MAPKAP1: variants seen among roughly 807,000 people sequenced by gnomAD.
MAPKAP1 encodes target of rapamycin complex 2 subunit MAPKAP1.
In MAPKAP1, 20 loss-of-function variants were observed where a neutral mutation model predicts 65.7. The observed-to-expected ratio is 0.30, with a 90% CI of 0.21 to 0.44. The LOEUF (loss-of-function observed/expected upper bound fraction) is 0.44, where lower values mean the gene tolerates loss of function less well. Among genes scored for constraint, MAPKAP1 ranks in the 20% least tolerant of loss-of-function variants. MAPKAP1 has a pLI of 1.00. For synonymous variants in MAPKAP1, 222 were observed against 244.3 expected, an observed-to-expected ratio of 0.91 and a Z score of 0.85; for missense variants, 423 against 648.0, an observed-to-expected ratio of 0.65 and a Z score of 3.77.
chr9:125,493,760 G>A (rs1301594028), intron 8 of MAPKAP1, among the ~76,000 whole-genome samples: 1 of 152,204 alleles, frequency 6.6e-6, no homozygotes, highest in Non-Finnish European at 1.5e-5. Flanking sequence ...GCATTTTAAA[G>A]ACGTCATCTC....
Position 125,585,686 on chromosome 9 carries a change from G to A in MAPKAP1, c.540C>T (p.Tyr180=). The change falls in exon 5 of 12, where the codon TAC becomes TAT. Residue 180 remains tyrosine (Y), a synonymous_variant. Coordinates refer to ENST00000265960, the MANE Select transcript of MAPKAP1 (RefSeq NM_001006617.3). The stretch of plus-strand genomic sequence containing the variant: ...TGTCCTGGCTCGAGTGCAGAGGGAG[G>A]TAGACATCGATCTTCTTGGTTGCTG... The part of the protein sequence containing the change: ...GTTATKKIDV[Y]LPLHSSQDRL... 2 of 1,614,232 alleles carry A rather than the reference G, an allele frequency of 1.2e-6. No homozygotes were observed. The highest frequency in any genetic ancestry group is 1.7e-6 in the Non-Finnish European group (2 of 1,180,056).
intron 7 of MAPKAP1, among the ~76,000 whole-genome samples, chr9:125,535,413 C>T (rs571675): frequency 0.49 from 74,580 of 151,872 alleles, 19,000 homozygotes; most frequent in East Asian, 0.66. Flanking sequence ...CCTCTTTTTA[C>T]GTGTACTCAT....
intron 8 of MAPKAP1, among the ~76,000 whole-genome samples, chr9:125,498,800 A>G (rs1828882631): frequency 6.6e-6 from 1 of 152,174 alleles, no homozygotes; most frequent in South Asian, 2.1e-4. Context: ...CCTAGGACAC[A>G]GACTTACAGA....
At chr9:125,537,654 T>C (rs1047973612) in intron 7 of MAPKAP1, among the ~76,000 whole-genome samples, 5 of 152,214 alleles carry the variant, frequency 3.3e-5, no homozygotes, top group African/African-American at 4.8e-5. Flanking sequence ...GCTAATTTTT[T>C]AAATTTTTTG....
intron 3 of MAPKAP1, among the ~76,000 whole-genome samples, chr9:125,668,463 A>C (rs896126933): frequency 6.6e-6 from 1 of 152,234 alleles, no homozygotes; most frequent in Admixed American, 6.5e-5. Context: ...CAATGGAGCC[A>C]ATCCACAAAT....
chr9:125,641,924 C>G (rs1032984092), intron 4 of MAPKAP1, among the ~76,000 whole-genome samples: 1 of 152,068 alleles, frequency 6.6e-6, no homozygotes, highest in African/African-American at 2.4e-5. Context: ...CCAAGCTACT[C>G]GGGAGGCTGA....
At chr9:125,545,718 A>G (rs544500458) in intron 6 of MAPKAP1, among the ~76,000 whole-genome samples, 2 of 152,364 alleles carry the variant, frequency 1.3e-5, no homozygotes, top group East Asian at 3.9e-4. Context: ...TCCATAAATT[A>G]AAAGTGTCCT....
At chr9:125,453,528 A>C (rs1003582299) in intron 10 of MAPKAP1, among the ~76,000 whole-genome samples, 1 of 152,240 alleles carries the variant, frequency 6.6e-6, no homozygotes, top group African/African-American at 2.4e-5. Flanking sequence ...GGCATATTTT[A>C]ATGTTCTTCT....
chr9:125,642,915 C>A (rs1461584031), intron 4 of MAPKAP1, among the ~76,000 whole-genome samples: 2 of 149,552 alleles, frequency 1.3e-5, no homozygotes, highest in Non-Finnish European at 3.0e-5. Context: ...TTTTTTTTTT[C>A]TTGTGATGGA....
chr9:125,572,070 A>C (rs1159941490), intron 5 of MAPKAP1, among the ~76,000 whole-genome samples: 1 of 152,220 alleles, frequency 6.6e-6, no homozygotes, highest in Non-Finnish European at 1.5e-5. Context: ...ATGGCAATAT[A>C]GTTATTTGCA....
At chr9:125,550,803 G>C (rs1028516209) in intron 6 of MAPKAP1, among the ~76,000 whole-genome samples, 1 of 152,196 alleles carries the variant, frequency 6.6e-6, no homozygotes, top group African/African-American at 2.4e-5. Flanking sequence ...GAAAATGTTT[G>C]CTAATACAAC....
intron 8 of MAPKAP1, among the ~76,000 whole-genome samples, chr9:125,489,113 G>T (rs868864965): frequency 1.3e-5 from 2 of 152,062 alleles, no homozygotes; most frequent in African/African-American, 2.4e-5. Context: ...CTGTTCAAGA[G>T]AAGACATTTT....
chr9:125,532,121 A>G (rs1486257434), intron 7 of MAPKAP1, among the ~76,000 whole-genome samples: 1 of 152,220 alleles, frequency 6.6e-6, no homozygotes, highest in African/African-American at 2.4e-5. Flanking sequence ...ATTGGGCTCA[A>G]GAATCAAAGG....
chr9:125,545,200 T>C (rs1830388184), intron 6 of MAPKAP1, among the ~76,000 whole-genome samples: 2 of 152,250 alleles, frequency 1.3e-5, no homozygotes, highest in Admixed American at 6.5e-5. Context: ...TCTTTAAAAG[T>C]TTATTTTACT....
intron 5 of MAPKAP1, among the ~76,000 whole-genome samples, chr9:125,567,349 G>A (rs1831088641): frequency 6.6e-6 from 1 of 152,162 alleles, no homozygotes; most frequent in Non-Finnish European, 1.5e-5. Context: ...CTGATAAAAG[G>A]TTGCAGTAAT....
intron 1 of MAPKAP1, among the ~76,000 whole-genome samples, chr9:125,678,659 A>T (rs1266021785): frequency 6.6e-6 from 1 of 152,236 alleles, no homozygotes; most frequent in African/African-American, 2.4e-5. Context: ...CACTTTGGAT[A>T]CTGTTCCCAG....
At chr9:125,576,690 T>C (rs1589302993) in intron 5 of MAPKAP1, among the ~76,000 whole-genome samples, 2 of 152,204 alleles carry the variant, frequency 1.3e-5, no homozygotes, top group Non-Finnish European at 2.9e-5. Flanking sequence ...GACTGGTTTT[T>C]GTATTTTTTT....
At chr9:125,459,853 T>TA (rs1853405417) in intron 10 of MAPKAP1, among the ~76,000 whole-genome samples, 6 of 17,194 alleles carry the variant, frequency 3.5e-4, no homozygotes, top group Non-Finnish European at 5.7e-4. Flanking sequence ...AGGGAGACCG[T>TA]GGGGAGAGGG....
chr9:125,644,968 A>G (rs1195239679), intron 4 of MAPKAP1, among the ~76,000 whole-genome samples: 1 of 152,246 alleles, frequency 6.6e-6, no homozygotes, highest in Non-Finnish European at 1.5e-5. Flanking sequence ...CGCAATCATC[A>G]GTCATAATGT....
Sources: gnomAD v4.1 joint callset for allele counts (sites outside exome capture counted in the v4.1 genomes callset) on GRCh38, gnomAD v4.1.1 for gene constraint, MANE v1.5 for transcripts, NCBI Gene and HGNC (gene_info 2026-07-23, HGNC 2026-07-21) for gene names.